Variants in SHISAL1 observed in about 807,000 individuals in gnomAD.
The protein encoded by SHISAL1 is protein shisa-like-1.
Under a neutral mutation model 22.6 loss-of-function variants are expected in SHISAL1, and 9 were observed. The ratio of observed to expected loss-of-function variants is 0.40; its 90% CI spans 0.24 to 0.70. The LOEUF (loss-of-function observed/expected upper bound fraction) is 0.70, where lower values mean the gene tolerates loss of function less well. Among genes scored for constraint, SHISAL1 ranks in the 30% least tolerant of loss-of-function variants. SHISAL1 has a pLI of 0.39. For missense variants in SHISAL1, 246 were observed against 270.6 expected (o/e 0.91, Z 0.64); for synonymous variants, 119 against 115.4 (o/e 1.03, Z -0.20).
At chr22:44,249,941 A>G (rs1366164030) in intron 4 of SHISAL1, among the ~76,000 whole-genome samples, 1 of 152,208 alleles carries the variant, frequency 6.6e-6, no homozygotes, top group African/African-American at 2.4e-5. Flanking sequence ...ACTGGAATAG[A>G]AGAACCAAAA....
At chr22:44,289,495 T>TGTGTGTGTGTGTGTGTGTGTG (rs369474296) in intron 3 of SHISAL1, among the ~76,000 whole-genome samples, 6 of 149,738 alleles carry the variant, frequency 4.0e-5, no homozygotes, top group East Asian at 2.0e-4. Flanking sequence ...TGTGTGTGTG[T>TGTGTGTGTGTGTGTGTGTGTG]TTACTGCCGG....
rs750659793 is a variant in SHISAL1 at position 44,285,629 on chromosome 22, G to T, written c.398C>A (p.Ala133Glu). ...CCATCGTCCTTGGATGCCCCACCGT[G>T]CCAGGTAGACCTTGCAGATGTCGTA... ...MNYDICKVYL[A>E]RWGIQGRWMK... Residue 133 changes from alanine to glutamate, a missense_variant, in exon 4 of 5, where the codon GCA becomes GAA. Transcript: ENST00000381176. The T allele has an allele frequency of 6.2e-6, 10 of 1,614,072 alleles. No individual in the cohort carries two copies. The African/African-American group carries it at 1.2e-4, about 19-fold the overall frequency.
chr22:44,321,027 C>T, the SHISAL1 span, among the ~76,000 whole-genome samples: 8 of 152,210 alleles, frequency 5.3e-5, no homozygotes, highest in African/African-American at 1.9e-4. Flanking sequence ...ATCTCGGGCA[C>T]TGACATGCCT....
At position 44,309,464 on chromosome 22, in the gene SHISAL1, C is replaced by T. The variant is rs368014306; in HGVS notation, c.-33+3287G>A. 9.8e-4 allele frequency among the ~76,000 whole-genome samples: 149 copies of T among 152,244 alleles called. 1 individual carries two copies. Among genetic ancestry groups the T allele is most frequent in the African/African-American group, 3.4e-3 (140 of 41,544 alleles). On this transcript the variant is annotated intron_variant, in intron 1 of 4. Coordinates refer to ENST00000381176, the MANE Select transcript of SHISAL1 (RefSeq NM_001099294.2). ...GGCTAGCAGCTGCAGATCACCCGAG[C>T]CCAGGGCAGAGCACGGTGCCCAATG...
intron 4 of SHISAL1, among the ~76,000 whole-genome samples, chr22:44,264,713 C>G (rs560163827): frequency 2.6e-4 from 40 of 152,260 alleles, no homozygotes; most frequent in African/African-American, 9.1e-4. Context: ...GGTGAGGTCC[C>G]CAACACACAC....
chr22:44,304,227 C>G (rs12162707), intron 1 of SHISAL1, among the ~76,000 whole-genome samples: 12,345 of 152,206 alleles, frequency 0.081, 925 homozygotes, highest in African/African-American at 0.19. Context: ...AGTTAGGGCT[C>G]TGGGCAGGCA....
the SHISAL1 span, among the ~76,000 whole-genome samples, chr22:44,324,689 G>A: frequency 6.6e-6 from 1 of 152,212 alleles, no homozygotes; most frequent in East Asian, 1.9e-4. Flanking sequence ...AAGCAGCGGA[G>A]ACTTGTCTAT....
At position 44,310,544 on chromosome 22, in the gene SHISAL1, G is replaced by A. The variant is rs142783304; in HGVS notation, c.-33+2207C>T. The stretch of plus-strand genomic sequence containing the variant: ...CTTCCTCATCTGTGAAACGGGAGCC[G>A]TGCCCCACACCTTGCAGGTATACCA... On this transcript the variant is annotated intron_variant, in intron 1 of 4. Coordinates refer to ENST00000381176, the MANE Select transcript of SHISAL1 (RefSeq NM_001099294.2). This position sits in a 1 kb window ranked among gnomAD's most constrained non-coding sequence, Gnocchi z 4.0. Among the ~76,000 whole-genome samples, 192 of 152,240 alleles carry A rather than the reference G, an allele frequency of 1.3e-3. No individual in the cohort carries two copies. The highest frequency in any genetic ancestry group is 1.5e-3 in the Non-Finnish European group (101 of 68,020).
At chr22:44,317,783 G>A (rs140535208), upstream of SHISAL1, among the ~76,000 whole-genome samples, 16 of 152,314 alleles carry the variant, frequency 1.1e-4, no homozygotes, top group East Asian at 2.9e-3. Flanking sequence ...AGTCCTCTCC[G>A]TCCTCCCCCG....
At chr22:44,262,301 G>T (rs781357436) in intron 4 of SHISAL1, among the ~76,000 whole-genome samples, 1 of 151,922 alleles carries the variant, frequency 6.6e-6, no homozygotes, top group Non-Finnish European at 1.5e-5. Context: ...GATGCTCCTG[G>T]CAGGGGTGAG....
At chr22:44,326,081 T>C in the SHISAL1 span, among the ~76,000 whole-genome samples, 1 of 152,012 alleles carries the variant, frequency 6.6e-6, no homozygotes, top group Non-Finnish European at 1.5e-5. Context: ...AAATGTGGAA[T>C]GAATGAACAC....
chr22:44,328,906 C>T, the SHISAL1 span, among the ~76,000 whole-genome samples: 1 of 152,202 alleles, frequency 6.6e-6, no homozygotes, highest in East Asian at 1.9e-4. Context: ...GTCCAGAAGG[C>T]TTCAGCCGCC....
intron 4 of SHISAL1, among the ~76,000 whole-genome samples, chr22:44,269,956 G>A (rs564553869): frequency 6.6e-6 from 1 of 152,150 alleles, no homozygotes; most frequent in Non-Finnish European, 1.5e-5. Context: ...AGTTGTCCTT[G>A]TCCTCAGTGT....
chr22:44,267,882 G>C (rs915537138), intron 4 of SHISAL1, among the ~76,000 whole-genome samples: 2 of 152,236 alleles, frequency 1.3e-5, no homozygotes, highest in Non-Finnish European at 2.9e-5. Flanking sequence ...GCAGGGCCAG[G>C]CCATGGAAGG....
chr22:44,313,029 G>A (rs527318218), upstream of SHISAL1, among the ~76,000 whole-genome samples: 8 of 152,294 alleles, frequency 5.3e-5, no homozygotes, highest in South Asian at 4.1e-4. Flanking sequence ...GCCTAGGGCC[G>A]CCACCTCCCA....
chr22:44,249,751 C>G, intron 4 of SHISAL1, 66 bp from the exon 5 acceptor site: 1 of 775,380 alleles, frequency 1.3e-6, no homozygotes, highest in Non-Finnish European at 2.4e-6. Context: ...TTCTCTCTGG[C>G]CTCAGTGCCG....
At chr22:44,256,658 T>A (rs1391381724) in intron 4 of SHISAL1, among the ~76,000 whole-genome samples, 3 of 152,180 alleles carry the variant, frequency 2.0e-5, no homozygotes, top group African/African-American at 7.2e-5. Flanking sequence ...ACATATACAT[T>A]TTAAAAATTG....
intron 1 of SHISAL1, among the ~76,000 whole-genome samples, chr22:44,309,321 GT>G (rs2055501367): frequency 6.6e-6 from 1 of 152,204 alleles, no homozygotes; most frequent in Non-Finnish European, 1.5e-5. Flanking sequence ...ATGATTAGCA[GT>G]GGTAGCATTA....
At chr22:44,297,693 T>C (rs1240042112) in intron 2 of SHISAL1, among the ~76,000 whole-genome samples, 3 of 152,244 alleles carry the variant, frequency 2.0e-5, no homozygotes, top group East Asian at 1.9e-4. Context: ...GTCGTGCCGA[T>C]GGTGATAAAC....
Sources: allele counts gnomAD v4.1 joint callset (sites outside exome capture counted in the v4.1 genomes callset), GRCh38; gene constraint gnomAD v4.1.1; non-coding constraint Gnocchi (gnomAD v3.1); transcripts MANE v1.5; gene names NCBI Gene and HGNC (gene_info 2026-07-23, HGNC 2026-07-21).